Variants in CAST observed in about 807,000 individuals in gnomAD.
The protein encoded by CAST is MIR583 host.
A neutral mutation model predicts 119.6 loss-of-function variants in CAST; 76 were observed. That is an observed-to-expected ratio of 0.64 (90% confidence interval 0.53 to 0.77). The LOEUF (loss-of-function observed/expected upper bound fraction) is 0.77. Ranked by LOEUF, CAST falls within the 30% of genes least tolerant of loss-of-function variation. CAST has a pLI of 0.00. For missense variants in CAST, 953 were observed against 946.5 expected, an observed-to-expected ratio of 1.01 and a Z score of -0.09; for synonymous variants, 319 against 331.6, an observed-to-expected ratio of 0.96 and a Z score of 0.41.
the CAST span, among the ~76,000 whole-genome samples, chr5:96,004,973 G>A: frequency 1.5e-4 from 23 of 152,160 alleles, 1 homozygote; most frequent in Admixed American, 1.1e-3. Flanking sequence ...GAATGGCAGA[G>A]GACATTGCAA....
the CAST span, among the ~76,000 whole-genome samples, chr5:96,207,542 G>A: frequency 3.3e-5 from 5 of 152,068 alleles, no homozygotes; most frequent in African/African-American, 1.2e-4. Flanking sequence ...TGCCTTTTCT[G>A]CATCTATTGA....
chr5:95,967,416 T>TTAAAATAAATAAATAAA, the CAST span, among the ~76,000 whole-genome samples: 6,456 of 144,472 alleles, frequency 0.045, 222 homozygotes, highest in East Asian at 0.09. Flanking sequence ...GACCCTATCT[T>TTAAAATAAATAAATAAA]TAAATAAATA....
chr5:96,021,735 T>C, the CAST span, among the ~76,000 whole-genome samples: 36 of 152,284 alleles, frequency 2.4e-4, no homozygotes, highest in East Asian at 1.9e-3. Flanking sequence ...TGTGAGCCAC[T>C]GCGCCTGGCT....
At chr5:96,085,712 G>A in the CAST span, among the ~76,000 whole-genome samples, 4 of 152,164 alleles carry the variant, frequency 2.6e-5, no homozygotes, top group Non-Finnish European at 5.9e-5. Context: ...GTCCCTCCAG[G>A]ACTTCTCAAG....
chr5:95,990,417 G>T, the CAST span, among the ~76,000 whole-genome samples: 1 of 151,808 alleles, frequency 6.6e-6, no homozygotes, highest in Middle Eastern at 3.4e-3. Context: ...TTCTTTTCTG[G>T]ATCAAAAATT....
the CAST span, among the ~76,000 whole-genome samples, chr5:96,399,486 G>A: frequency 0.046 from 7,014 of 152,134 alleles, 453 homozygotes; most frequent in African/African-American, 0.15. Flanking sequence ...GTCTAAGTAA[G>A]TGTATGATAA....
chr5:96,561,786 G>GTTTTTTTTT (rs1554067776), intron 1 of CAST, among the ~76,000 whole-genome samples: 5 of 105,434 alleles, frequency 4.7e-5, no homozygotes, highest in East Asian at 2.8e-4. Flanking sequence ...TTATATATAT[G>GTTTTTTTTT]TTTTTTTTTG....
chr5:96,086,172 A>AT, the CAST span, among the ~76,000 whole-genome samples: 3 of 152,156 alleles, frequency 2.0e-5, no homozygotes, highest in Admixed American at 2.0e-4. Flanking sequence ...TTTAACTTAT[A>AT]TTTTAAAAAT....
chr5:96,179,694 G>A, the CAST span, among the ~76,000 whole-genome samples: 1 of 152,190 alleles, frequency 6.6e-6, no homozygotes, highest in Non-Finnish European at 1.5e-5. Context: ...GCATGTGCAG[G>A]AGCACGAGAG....
the CAST span, among the ~76,000 whole-genome samples, chr5:96,334,934 C>T: frequency 1.3e-5 from 2 of 152,182 alleles, no homozygotes; most frequent in Non-Finnish European, 2.9e-5. Context: ...TTTCTTGCCT[C>T]ACCCATGCCT....
intron 1 of CAST, among the ~76,000 whole-genome samples, chr5:96,601,967 T>C (rs908413387): frequency 6.6e-6 from 1 of 152,200 alleles, no homozygotes; most frequent in Non-Finnish European, 1.5e-5. Flanking sequence ...GTCTTCCGGC[T>C]CCCTCTGGCC....
the CAST span, among the ~76,000 whole-genome samples, chr5:96,448,947 G>C: frequency 2.0e-5 from 3 of 152,086 alleles, no homozygotes; most frequent in Non-Finnish European, 4.4e-5. Context: ...TATACACCTA[G>C]TTAGATCAAT....
upstream of CAST, chr5:96,662,049 C>A: frequency 5.0e-6 from 1 of 201,166 alleles, no homozygotes. Context: ...GTCCCGCTCT[C>A]TCGTTGCACA....
chr5:96,036,706 A>G, the CAST span, among the ~76,000 whole-genome samples: 2 of 152,194 alleles, frequency 1.3e-5, no homozygotes, highest in African/African-American at 2.4e-5. Flanking sequence ...TATATACACA[A>G]TTAATATTTA....
At chr5:96,341,247 T>C in the CAST span, among the ~76,000 whole-genome samples, 3 of 152,156 alleles carry the variant, frequency 2.0e-5, no homozygotes, top group African/African-American at 4.8e-5. Context: ...TACCATACAT[T>C]TAATTCAAGT....
chr5:96,354,310 A>G, the CAST span, among the ~76,000 whole-genome samples: 6 of 152,194 alleles, frequency 3.9e-5, no homozygotes, highest in Non-Finnish European at 5.9e-5. Flanking sequence ...AAGTACACAT[A>G]TACATAAAGA....
chr5:96,114,491 G>T, the CAST span, among the ~76,000 whole-genome samples: 4 of 152,138 alleles, frequency 2.6e-5, no homozygotes, highest in African/African-American at 4.8e-5. Context: ...TCGTGAAAAG[G>T]TTACTAAAAA....
chr5:96,665,775 TACAA>T (rs1749255562), intron 1 of CAST, among the ~76,000 whole-genome samples: 1 of 151,080 alleles, frequency 6.6e-6, no homozygotes, highest in African/African-American at 2.4e-5. Flanking sequence ...CATACACACA[TACAA>T]ACATATACAA....
chr5:96,448,369 A>T, the CAST span, among the ~76,000 whole-genome samples: 5 of 152,374 alleles, frequency 3.3e-5, no homozygotes, highest in Admixed American at 6.5e-5. Context: ...GCATTTGAAG[A>T]CCATCCTGTC....
Sources: gnomAD v4.1 joint callset for allele counts (sites outside exome capture counted in the v4.1 genomes callset) on GRCh38, gnomAD v4.1.1 for gene constraint, MANE v1.5 for transcripts, NCBI Gene and HGNC (gene_info 2026-07-23, HGNC 2026-07-21) for gene names.